Variants in DNAH11 observed in about 807,000 individuals in gnomAD.
The protein encoded by DNAH11 is dynein axonemal heavy chain 11.
DNAH11 carries 442 observed loss-of-function variants against 526.0 expected under a neutral mutation model. The observed-to-expected ratio is 0.84, with a 90% CI of 0.78 to 0.91. The LOEUF (loss-of-function observed/expected upper bound fraction) is 0.91. DNAH11 is among the 40% of genes least tolerant of loss of function. The pLI, the probability that DNAH11 is intolerant of heterozygous loss-of-function variation, is 0.00. For missense variants in DNAH11, 6,989 were observed against 5,448.7 expected, an observed-to-expected ratio of 1.28 and a Z score of -8.90; for synonymous variants, 2,461 against 1,935.9, an observed-to-expected ratio of 1.27 and a Z score of -7.12.
intron 80 of DNAH11, 44 bp downstream of exon 80, chr7:21,899,492 A>G (rs1172382908): frequency 1.4e-6 from 2 of 1,457,264 alleles, no homozygotes; most frequent in East Asian, 2.3e-5. Flanking sequence ...ACAGGACCAC[A>G]GCCTAACCAG....
At chr7:21,740,024 G>A (rs183764840) in intron 48 of DNAH11, among the ~76,000 whole-genome samples, 23 of 152,044 alleles carry the variant, frequency 1.5e-4, no homozygotes, top group African/African-American at 5.3e-4. Flanking sequence ...AGTTTACATC[G>A]GGATTCCTTC....
chr7:21,749,868 C>A (rs1281044411), intron 53 of DNAH11, 67 bp downstream of exon 53: 1 of 1,596,044 alleles, frequency 6.3e-7, no homozygotes, highest in Non-Finnish European at 8.6e-7. Context: ...TTTCAGTGAA[C>A]TTTAAAGAGA....
chr7:21,547,309 T>C (rs1219063597), intron 2 of DNAH11, among the ~76,000 whole-genome samples: 1 of 152,246 alleles, frequency 6.6e-6, no homozygotes, highest in African/African-American at 2.4e-5. Flanking sequence ...GGCTTTGTCA[T>C]GGAATAATGT....
intron 6 of DNAH11, among the ~76,000 whole-genome samples, chr7:21,564,898 TA>T (rs201951934): frequency 0.17 from 25,303 of 147,416 alleles, 2,439 homozygotes; most frequent in East Asian, 0.3. Context: ...TGCAAAATGT[TA>T]AAAAAAAAAA....
rs756115857 is a variant in DNAH11, at chr7:21,808,003, G to T, written c.10286G>T (p.Arg3429Leu). 3.2e-6 allele frequency: 5 copies of T among 1,584,932 alleles called. No individual in the cohort carries two copies. Among genetic ancestry groups the T allele is most frequent in the South Asian group, 1.2e-5 (1 of 86,726 alleles). Residue 3429 changes from arginine (R) to leucine (L), a missense_variant, in exon 63 of 82, where the codon CGC becomes CTC. By Grantham distance (102) the Arg-to-Leu change is moderately radical. Coordinates refer to ENST00000409508, the MANE Select transcript of DNAH11 (RefSeq NM_001277115.2). Reference sequence around the variant, plus strand: ...GTCGGACCCTTCACAAGGCAGTATCGCCAGGAGCTGGTGCACTGCAAGTGG... The same window carrying T: ...GTCGGACCCTTCACAAGGCAGTATCTCCAGGAGCTGGTGCACTGCAAGTGG... ...SYVGPFTRQY[R>L]QELVHCKWVP...
Position 21,594,063 on chromosome 7 carries a change from T to C in DNAH11, c.2667+2486T>C, listed in dbSNP as rs201743106. The stretch of plus-strand genomic sequence containing the variant: ...TCATGCACACTCTTTCATACACACA[T>C]ACACACACACACACACACACACACA... On this transcript the variant is annotated intron_variant, in intron 14 of 81. Coordinates refer to ENST00000409508, the MANE Select transcript of DNAH11 (RefSeq NM_001277115.2). 3.1e-3 allele frequency among the ~76,000 whole-genome samples: 430 copies of C among 137,580 alleles called. 3 individuals carry two copies. The highest frequency in any genetic ancestry group is 4.7e-3 in the South Asian group (18 of 3,854). The allele number at this position is 137,580 out of a possible 152,430, so 90.3% of individuals were successfully genotyped here.
intron 65 of DNAH11, among the ~76,000 whole-genome samples, chr7:21,826,870 G>T (rs914560975): frequency 2.0e-5 from 3 of 152,078 alleles, no homozygotes; most frequent in African/African-American, 7.3e-5. Flanking sequence ...TTTGTTTGGG[G>T]GAGTTGTTGT....
rs147575986 is a variant in DNAH11, at chr7:21,884,593, G to T, written c.12507+183G>T. ...TCCCAGACCTACAGAATCAGAATCT[G>T]CATTTTCACAAGTCTTCCAGGTGAT... On this transcript the variant is annotated intron_variant, in intron 76 of 81. Transcript: ENST00000409508. Among the ~76,000 whole-genome samples, 15 of 152,274 alleles carry T rather than the reference G, an allele frequency of 9.9e-5. No homozygotes were observed. The East Asian group carries it at 2.5e-3, about 25-fold the overall frequency.
chr7:21,675,401 C>T (rs1782833822), intron 30 of DNAH11, among the ~76,000 whole-genome samples: 1 of 152,212 alleles, frequency 6.6e-6, no homozygotes, highest in Non-Finnish European at 1.5e-5. Context: ...AAATTCTTGT[C>T]AACCTAAATC....
chr7:21,575,108 C>T, intron 8 of DNAH11, among the ~76,000 whole-genome samples: 1 of 151,926 alleles, frequency 6.6e-6, no homozygotes, highest in East Asian at 1.9e-4. Flanking sequence ...AACTCCTGGC[C>T]TCAAGTGATC....
rs1223461836 is a variant in DNAH11 at position 21,816,702 on chromosome 7, G to T, written c.10568G>T (p.Gly3523Val). Residue 3523 changes from glycine to valine, a missense_variant and splice_region_variant, in exon 64 of 82, where the codon GGG (glycine) becomes GTG (valine). Coordinates refer to ENST00000409508, the MANE Select transcript of DNAH11 (RefSeq NM_001277115.2). ...AAAGTCACACATTTGGGCCAGAAAG[G>T]GTATGTGAAGTTTGAAGAGACTGGC... ...DLKVTHLGQK[G>V]FLNAIETALA... 6.2e-7 allele frequency: 1 copy of T among 1,612,492 alleles called. No individual in the cohort carries two copies. Among genetic ancestry groups the T allele is most frequent in the South Asian group, 1.1e-5 (1 of 90,736 alleles).
chr7:21,639,279 T>C (rs1044585929), intron 28 of DNAH11, among the ~76,000 whole-genome samples: 4 of 152,182 alleles, frequency 2.6e-5, no homozygotes, highest in Non-Finnish European at 2.9e-5. Context: ...AGAGGAACTA[T>C]ATTCAGTGTG....
rs529323212 is a variant in DNAH11 at position 21,800,266 on chromosome 7, C to T, written c.10027-871C>T. Among the ~76,000 whole-genome samples the T allele has an allele frequency of 2.0e-5, 3 of 152,260 alleles. No individual in the cohort carries two copies. In the South Asian group the frequency reaches 6.2e-4, roughly 32 times the overall value. On this transcript the variant is annotated intron_variant, in intron 61 of 81. Coordinates refer to ENST00000409508, the MANE Select transcript of DNAH11 (RefSeq NM_001277115.2). ...CCTCTTTAAACGCAGCCCTGTGATT[C>T]ACACATCCTCCCAGGTCTTTCAATG...
rs141387017 is a variant in DNAH11, at chr7:21,748,454, A to C, written c.8511-126A>C. 8.7e-3 allele frequency: 9,547 copies of C among 1,103,064 alleles called. 68 individuals are homozygous for C. The highest frequency in any genetic ancestry group is 0.03 in the Middle Eastern group (99 of 3,252). The allele number at this position is 1,103,064 out of a possible 1,614,324, so 68.3% of individuals were successfully genotyped here. ...CAATGAGCCAAGATCGCGCCACTGC[A>C]CTCCGGCCTGGGCAACAGAGCAAGT... On this transcript the variant is annotated intron_variant, in intron 51 of 81. Transcript: ENST00000409508.
At chr7:21,783,856 C>T (rs1006542059) in intron 57 of DNAH11, among the ~76,000 whole-genome samples, 8 of 152,222 alleles carry the variant, frequency 5.3e-5, no homozygotes, top group African/African-American at 7.2e-5. Flanking sequence ...TTATCATGTC[C>T]GTGGAGAAAC....
intron 62 of DNAH11, among the ~76,000 whole-genome samples, chr7:21,803,924 G>A (rs1186041957): frequency 1.3e-5 from 2 of 152,158 alleles, no homozygotes; most frequent in Non-Finnish European, 2.9e-5. Flanking sequence ...TGGAAAAGTG[G>A]GGAATGGGGC....
intron 6 of DNAH11, among the ~76,000 whole-genome samples, chr7:21,567,197 A>T (rs772849902): frequency 3.0e-4 from 45 of 152,188 alleles, no homozygotes; most frequent in Non-Finnish European, 4.3e-4. Context: ...TCTTTAAAAA[A>T]ATTTGGGGTC....
intron 25 of DNAH11, among the ~76,000 whole-genome samples, chr7:21,633,237 G>T (rs1050208946): frequency 5.9e-5 from 9 of 152,172 alleles, no homozygotes; most frequent in Non-Finnish European, 1.3e-4. Context: ...CCTAACATAT[G>T]ATCTGTCTTG....
chr7:21,708,041 C>T (rs143978921), intron 40 of DNAH11, among the ~76,000 whole-genome samples: 2 of 152,310 alleles, frequency 1.3e-5, no homozygotes, highest in Admixed American at 6.5e-5. Flanking sequence ...CAGATTTGTA[C>T]TCAGAGCTGT....
Sources: allele counts gnomAD v4.1 joint callset (sites outside exome capture counted in the v4.1 genomes callset), GRCh38; gene constraint gnomAD v4.1.1; transcripts MANE v1.5; gene names NCBI Gene and HGNC (gene_info 2026-07-23, HGNC 2026-07-21).